RMDN2: variants seen among roughly 807,000 people sequenced by gnomAD.
RMDN2 encodes regulator of microtubule dynamics protein 2.
RMDN2 carries 61 observed loss-of-function variants against 52.8 expected under a neutral mutation model. The ratio of observed to expected loss-of-function variants is 1.16; its 90% CI spans 0.94 to 1.43. The LOEUF is 1.43. RMDN2 is among the 40% of genes most tolerant of loss of function. The pLI, the probability that RMDN2 is intolerant of heterozygous loss-of-function variation, is 0.00. For synonymous variants in RMDN2, 180 were observed against 153.1 expected, an observed-to-expected ratio of 1.18 and a Z score of -1.30; for missense variants, 592 against 475.3, an observed-to-expected ratio of 1.25 and a Z score of -2.28.
At chr2:37,968,009 C>T (rs1047057833) in intron 2 of RMDN2, among the ~76,000 whole-genome samples, 2 of 152,130 alleles carry the variant, frequency 1.3e-5, no homozygotes, top group African/African-American at 4.8e-5. Flanking sequence ...TCTTTTAATT[C>T]CTTTTTTCCG....
At chr2:37,981,709 G>T (rs1284915690) in intron 5 of RMDN2, among the ~76,000 whole-genome samples, 5 of 152,076 alleles carry the variant, frequency 3.3e-5, no homozygotes, top group Admixed American at 1.3e-4. Context: ...CATTTCTTAT[G>T]CATTGATGCA....
At chr2:37,951,533 C>T in intron 2 of RMDN2, 1 of 1,612,290 alleles carries the variant, frequency 6.2e-7, no homozygotes, top group Non-Finnish European at 8.5e-7. Context: ...AAGACACAGG[C>T]TTCACTGATA....
At chr2:37,923,925 T>G (rs1269421514), upstream of RMDN2, among the ~76,000 whole-genome samples, 4 of 152,166 alleles carry the variant, frequency 2.6e-5, no homozygotes, top group African/African-American at 9.7e-5. Flanking sequence ...AATTTTTGTA[T>G]TTTTAGTAGA....
intron 2 of RMDN2, among the ~76,000 whole-genome samples, chr2:37,956,870 T>C (rs965394934): frequency 7.9e-5 from 12 of 152,090 alleles, no homozygotes; most frequent in African/African-American, 2.9e-4. Flanking sequence ...GTGTTCTCAT[T>C]GTTCAACTCC....
intron 7 of RMDN2, among the ~76,000 whole-genome samples, chr2:37,996,411 C>T (rs1397458254): frequency 1.3e-5 from 2 of 151,828 alleles, no homozygotes; most frequent in African/African-American, 2.4e-5. Flanking sequence ...ATAGGAAGAC[C>T]CTGTCTCTAC....
chr2:38,025,261 C>T (rs1679690472), intron 10 of RMDN2, among the ~76,000 whole-genome samples: 2 of 152,020 alleles, frequency 1.3e-5, no homozygotes, highest in South Asian at 4.1e-4. Flanking sequence ...TATTTTGATG[C>T]TCTTATATAT....
At chr2:37,938,252 A>G (rs1382490076) in intron 2 of RMDN2, among the ~76,000 whole-genome samples, 1 of 152,156 alleles carries the variant, frequency 6.6e-6, no homozygotes, top group Non-Finnish European at 1.5e-5. Flanking sequence ...AGGCAACTTG[A>G]TCATGGTGGA....
intron 10 of RMDN2, among the ~76,000 whole-genome samples, chr2:38,008,680 A>T (rs954119262): frequency 8.5e-5 from 13 of 152,096 alleles, no homozygotes; most frequent in African/African-American, 2.9e-4. Context: ...TCTGTGTCTT[A>T]GTTGGAGCAT....
intron 10 of RMDN2, among the ~76,000 whole-genome samples, chr2:38,057,764 G>A (rs978573900): frequency 2.0e-5 from 3 of 152,106 alleles, no homozygotes; most frequent in African/African-American, 7.2e-5. Flanking sequence ...ATGAGATCTG[G>A]TTGTTTAAAA....
At chr2:38,045,576 G>A (rs1178338811) in intron 10 of RMDN2, among the ~76,000 whole-genome samples, 5 of 146,456 alleles carry the variant, frequency 3.4e-5, no homozygotes, top group African/African-American at 1.3e-4. Flanking sequence ...TAATGATAAA[G>A]CTAGATAAAA....
intron 10 of RMDN2, among the ~76,000 whole-genome samples, chr2:38,064,790 T>A (rs1481837932): frequency 6.8e-6 from 1 of 147,980 alleles, no homozygotes; most frequent in Non-Finnish European, 1.5e-5. Context: ...AAAAAAAAAA[T>A]CTATGTAATG....
intron 10 of RMDN2, among the ~76,000 whole-genome samples, chr2:38,055,544 T>G (rs969382575): frequency 6.6e-6 from 1 of 152,308 alleles, no homozygotes; most frequent in Non-Finnish European, 1.5e-5. Flanking sequence ...ACTTAATGGC[T>G]TGATGACCCC....
chr2:38,059,149 C>T (rs1681948185), intron 10 of RMDN2, among the ~76,000 whole-genome samples: 1 of 152,118 alleles, frequency 6.6e-6, no homozygotes, highest in Non-Finnish European at 1.5e-5. Context: ...AGCCACTATC[C>T]CCATGTGGCT....
chr2:37,950,714 A>G (rs1232960056), intron 2 of RMDN2: 1 of 968,644 alleles, frequency 1.0e-6, no homozygotes, highest in Admixed American at 1.8e-5. Context: ...CTGTCCAGAT[A>G]TTCACTTGAA....
At chr2:37,952,469 C>G in intron 2 of RMDN2, 2 of 477,512 alleles carry the variant, frequency 4.2e-6, no homozygotes, top group South Asian at 5.2e-5. Context: ...GGGCTAATCT[C>G]AGATTTCTGA....
chr2:37,929,444 A>G lies in RMDN2; in HGVS notation c.167A>G (p.Asp56Gly), dbSNP rs970679214. 7 of 1,551,724 alleles carry G rather than the reference A, an allele frequency of 4.5e-6. No homozygotes were observed. The highest frequency in any genetic ancestry group is 6.1e-6 in the Non-Finnish European group (7 of 1,146,964). Residue 56 changes from aspartate to glycine, a missense_variant, in exon 2 of 11, where the codon GAT becomes GGT. Asp to Gly is a moderately conservative substitution (Grantham distance 94). Transcript: ENST00000354545. ...ACATTTAATTCAATAACTTTGCAAGATGAAATACATGATGACCAAGGAACA... is the reference window on the plus strand; with the variant it reads ...ACATTTAATTCAATAACTTTGCAAGGTGAAATACATGATGACCAAGGAACA... ...GNTFNSITLQ[D>G]EIHDDQGTTV...
rs1668729258 is a variant in RMDN2 at position 37,951,163 on chromosome 2, C to T, written c.452+21434C>T. The stretch of plus-strand genomic sequence containing the variant: ...ACACCAAAAGGTGGATATTATTCTT[C>T]AGGAGGCTTGGCAGGTCTCCACTCT... On this transcript the variant is annotated intron_variant, in intron 2 of 10. Transcript: ENST00000354545. 6.4e-6 allele frequency: 9 copies of T among 1,409,318 alleles called. No individual in the cohort carries two copies. The Admixed American group carries it at 1.2e-4, about 18-fold the overall frequency. The allele number at this position is 1,409,318 out of a possible 1,614,324, so 87.3% of individuals were successfully genotyped here. A position where few individuals can be genotyped will look rare whatever the true frequency, so the allele number is the denominator to read the frequency against.
upstream of RMDN2, among the ~76,000 whole-genome samples, chr2:37,924,587 G>A (rs1004334292): frequency 6.6e-6 from 1 of 152,062 alleles, no homozygotes; most frequent in East Asian, 1.9e-4. Context: ...TACTGGTCTC[G>A]AATTCCTGAC....
At chr2:38,016,599 A>G (rs1353122935) in intron 10 of RMDN2, among the ~76,000 whole-genome samples, 1 of 152,194 alleles carries the variant, frequency 6.6e-6, no homozygotes, top group Non-Finnish European at 1.5e-5. Context: ...CATGGAGAGA[A>G]ACCCTATAAA....
Sources: gnomAD v4.1 joint callset for allele counts (sites outside exome capture counted in the v4.1 genomes callset) on GRCh38, gnomAD v4.1.1 for gene constraint, MANE v1.5 for transcripts, NCBI Gene and HGNC (gene_info 2026-07-23, HGNC 2026-07-21) for gene names.